LAMA2: variants seen among roughly 807,000 people sequenced by gnomAD.
The protein encoded by LAMA2 is laminin subunit alpha 2.
In LAMA2, 269 loss-of-function variants were observed where a neutral mutation model predicts 364.8. The observed-to-expected ratio is 0.74, with a 90% CI of 0.67 to 0.82. The LOEUF (loss-of-function observed/expected upper bound fraction) is 0.82, where lower values mean the gene tolerates loss of function less well. LAMA2 is among the 40% of genes least tolerant of loss of function. The probability of loss-of-function intolerance (pLI) is 0.00; values close to 1 mark genes in which losing one functional copy is unlikely to be tolerated. For missense variants in LAMA2, 3,807 were observed against 3,873.2 expected, an observed-to-expected ratio of 0.98 and a Z score of 0.45; for synonymous variants, 1,379 against 1,370.6, an observed-to-expected ratio of 1.01 and a Z score of -0.14.
chr6:128,914,585 T>C (rs1582665631), intron 1 of LAMA2, among the ~76,000 whole-genome samples: 1 of 152,316 alleles, frequency 6.6e-6, no homozygotes, highest in East Asian at 1.9e-4. Flanking sequence ...AACGAAGATG[T>C]TGCTATAGCT....
intron 1 of LAMA2, among the ~76,000 whole-genome samples, chr6:129,037,746 T>G (rs1289036424): frequency 6.6e-6 from 1 of 151,418 alleles, no homozygotes; most frequent in Non-Finnish European, 1.5e-5. Flanking sequence ...CTCTGCTCAC[T>G]GCAAGCTCCG....
rs1779407548 is a variant in LAMA2 at position 129,393,069 on chromosome 6, A to G, written c.5259A>G (p.Lys1753=). Residue 1753 remains lysine (K), a synonymous_variant, in exon 37 of 65, where the codon AAA becomes AAG. Transcript: ENST00000421865. ...GAGCTGCAGAAGCCCTTCTGAAAAAAGTGAAGAAGCTGTTTGGAGAGTCCC... is the reference window on the plus strand; with the variant it reads ...GAGCTGCAGAAGCCCTTCTGAAAAAGGTGAAGAAGCTGTTTGGAGAGTCCC... ...ELVAAEALLK[K]VKKLFGESRG... 1 of 1,613,902 alleles carries G rather than the reference A, an allele frequency of 6.2e-7. No individual in the cohort carries two copies. The highest frequency in any genetic ancestry group is 8.5e-7 in the Non-Finnish European group (1 of 1,179,936).
chr6:129,358,588 A>G (rs959105353), intron 32 of LAMA2, among the ~76,000 whole-genome samples: 4 of 152,048 alleles, frequency 2.6e-5, no homozygotes, highest in Non-Finnish European at 5.9e-5. Context: ...GCAAGGAAGC[A>G]TGGTGTTATG....
At chr6:129,202,205 A>AAG (rs1554242617) in intron 12 of LAMA2, among the ~76,000 whole-genome samples, 3 of 150,436 alleles carry the variant, frequency 2.0e-5, no homozygotes, top group South Asian at 2.1e-4. Context: ...AAAAAAAAAA[A>AAG]AAAAGAAAAG....
At chr6:128,925,363 T>C (rs966389524) in intron 1 of LAMA2, among the ~76,000 whole-genome samples, 1 of 152,198 alleles carries the variant, frequency 6.6e-6, no homozygotes, top group Non-Finnish European at 1.5e-5. Flanking sequence ...CATGCTACCA[T>C]ATGAATGGAC....
chr6:129,239,806 G>GC (rs1785268732), intron 12 of LAMA2, among the ~76,000 whole-genome samples: 1 of 152,130 alleles, frequency 6.6e-6, no homozygotes, highest in African/African-American at 2.4e-5. Flanking sequence ...GTGTGCCACT[G>GC]CATCTAGCTC....
chr6:129,210,252 T>G (rs572998179), intron 12 of LAMA2, among the ~76,000 whole-genome samples: 1 of 152,270 alleles, frequency 6.6e-6, no homozygotes, highest in African/African-American at 2.4e-5. Context: ...TGCAGTATGC[T>G]TTTAGTCTGA....
At position 129,392,640 on chromosome 6, in the gene LAMA2, C is replaced by T. The variant is rs151139073; in HGVS notation, c.5235-405C>T. Among the ~76,000 whole-genome samples, 425 of 152,286 alleles carry T rather than the reference C, an allele frequency of 2.8e-3. 4 individuals carry two copies. The highest frequency in any genetic ancestry group is 0.01 in the African/African-American group (418 of 41,546). On this transcript the variant is annotated intron_variant, in intron 36 of 64. Coordinates refer to ENST00000421865, the MANE Select transcript of LAMA2 (RefSeq NM_000426.4). ...TGACAATGACCTAGAATTCTGTTCA[C>T]AGTTTCTGAGCAAACATAACAATAT...
At chr6:129,368,603 T>G (rs1237262569) in intron 33 of LAMA2, among the ~76,000 whole-genome samples, 1 of 152,234 alleles carries the variant, frequency 6.6e-6, no homozygotes, top group Non-Finnish European at 1.5e-5. Context: ...AAACTAATAC[T>G]TAAGCAATGG....
At chr6:128,884,601 A>G (rs553247680) in intron 1 of LAMA2, among the ~76,000 whole-genome samples, 2 of 152,304 alleles carry the variant, frequency 1.3e-5, no homozygotes, top group African/African-American at 4.8e-5. Context: ...TTGGAATAAA[A>G]ATGACCTTGC....
intron 58 of LAMA2, among the ~76,000 whole-genome samples, chr6:129,497,151 T>G (rs1384592020): frequency 1.3e-5 from 2 of 152,232 alleles, no homozygotes; most frequent in Admixed American, 6.5e-5. Flanking sequence ...TGGTTTGATA[T>G]GTAATGATGA....
chr6:128,930,324 T>G (rs1393004497), intron 1 of LAMA2, among the ~76,000 whole-genome samples: 5 of 152,242 alleles, frequency 3.3e-5, no homozygotes, highest in African/African-American at 7.2e-5. Context: ...ACTGAAATAT[T>G]CATAGATATT....
chr6:129,199,651 A>G (rs1000023727), intron 12 of LAMA2, among the ~76,000 whole-genome samples: 1 of 152,174 alleles, frequency 6.6e-6, no homozygotes, highest in South Asian at 2.1e-4. Flanking sequence ...TTAATATACA[A>G]AAGTCAATCA....
rs546032929 is a variant in LAMA2 at position 129,388,695 on chromosome 6, G to A, written c.5072-2796G>A. 8.6e-4 allele frequency among the ~76,000 whole-genome samples: 130 copies of A among 151,122 alleles called. 1 individual carries two copies. Among genetic ancestry groups the A allele is most frequent in the South Asian group, 3.7e-3 (18 of 4,810 alleles). On this transcript the variant is annotated intron_variant, in intron 35 of 64. Coordinates refer to ENST00000421865, the MANE Select transcript of LAMA2 (RefSeq NM_000426.4). ...TATACACGCACACACACACACGCGC[G>A]CACACACACATATTCATTTAACAAA...
chr6:129,157,991 G>A lies in LAMA2; in HGVS notation c.1206+3308G>A. 3 of 1,613,794 alleles carry A rather than the reference G, an allele frequency of 1.9e-6. No homozygotes were observed. The South Asian group carries it at 3.3e-5, about 18-fold the overall frequency. ...TAACAGCAAGGCCCAGGTCAGCAAT[G>A]CAGCAACTCCCATTTTTCTTGATGA... On this transcript the variant is annotated intron_variant, in intron 8 of 64. Coordinates refer to ENST00000421865, the MANE Select transcript of LAMA2 (RefSeq NM_000426.4).
chr6:129,451,410 TG>T (rs1782669440), intron 45 of LAMA2, among the ~76,000 whole-genome samples: 1 of 152,138 alleles, frequency 6.6e-6, no homozygotes, highest in South Asian at 2.1e-4. Flanking sequence ...CCCACCTTTT[TG>T]GGGAAGGCAA....
rs35065563 is a variant in LAMA2, at chr6:129,312,982, A to C, written c.3296A>C (p.Asn1099Thr). The change falls in exon 23 of 65, where the codon AAC becomes ACC. Residue 1099 changes from asparagine (N) to threonine (T), a missense_variant. By Grantham distance (65) the Asn-to-Thr change is moderately conservative. This residue lies in a region of LAMA2 where 3,333 missense variants were observed against 3,345.7 expected (regional missense o/e 1.00). Transcript: ENST00000421865. ...KCTECSRGHWNYPRCNLCDCF... is the reference protein window; with the variant it reads ...KCTECSRGHWTYPRCNLCDCF... Reference sequence around the variant, plus strand: ...ACAGAGTGCAGTCGAGGTCACTGGAACTACCCTCGCTGCAATCTCTGTGAC... The same window carrying C: ...ACAGAGTGCAGTCGAGGTCACTGGACCTACCCTCGCTGCAATCTCTGTGAC... 2.5e-6 allele frequency: 4 copies of C among 1,613,984 alleles called. No homozygotes were observed. The highest frequency in any genetic ancestry group is 1.7e-5 in the Admixed American group (1 of 60,000).
At chr6:129,247,480 G>A (rs907966211) in intron 12 of LAMA2, among the ~76,000 whole-genome samples, 2 of 152,122 alleles carry the variant, frequency 1.3e-5, no homozygotes, top group Non-Finnish European at 1.5e-5. Flanking sequence ...AATTACTTAA[G>A]TAAGTACTTG....
At chr6:129,391,737 A>G (rs1779333741) in intron 36 of LAMA2, 84 bp downstream of exon 36, 5 of 1,201,472 alleles carry the variant, frequency 4.2e-6, no homozygotes, top group Non-Finnish European at 6.1e-6. Flanking sequence ...TATCACACGT[A>G]TAAGTAAAAG....
Sources: allele counts gnomAD v4.1 joint callset (sites outside exome capture counted in the v4.1 genomes callset), GRCh38; gene constraint gnomAD v4.1.1; regional missense constraint gnomAD v4.1.1; transcripts MANE v1.5; gene names NCBI Gene and HGNC (gene_info 2026-07-23, HGNC 2026-07-21).